The following MTCL2 variants were observed in gnomAD, a reference collection of about 807,000 sequenced individuals.
The protein encoded by MTCL2 is microtubule crosslinking factor 2, also known as microtubule cross-linking factor 2.
the MTCL2 span, among the ~76,000 whole-genome samples, chr20:36,798,536 C>T: frequency 6.6e-6 from 1 of 152,228 alleles, no homozygotes; most frequent in African/African-American, 2.4e-5. Context: ...TACCATCTGA[C>T]ACTACAGCCT....
the MTCL2 span, among the ~76,000 whole-genome samples, chr20:36,830,396 C>T: frequency 1.3e-5 from 2 of 152,060 alleles, no homozygotes; most frequent in Admixed American, 6.6e-5. Context: ...CAAGACCCCA[C>T]CTCTACAAAA....
the MTCL2 span, chr20:36,815,146 C>T: frequency 6.2e-7 from 1 of 1,600,290 alleles, no homozygotes; most frequent in Non-Finnish European, 8.5e-7. This position sits in a 1 kb window ranked among gnomAD's most constrained non-coding sequence, Gnocchi z 5.3. Flanking sequence ...GAGCCAAGGT[C>T]TTTTGCCAGA....
the MTCL2 span, among the ~76,000 whole-genome samples, chr20:36,826,520 G>A: frequency 6.6e-6 from 1 of 150,578 alleles, no homozygotes; most frequent in Non-Finnish European, 1.5e-5. Flanking sequence ...TGGGACTACA[G>A]GCATGCACAA....
the MTCL2 span, among the ~76,000 whole-genome samples, chr20:36,856,241 G>A: frequency 3.9e-5 from 6 of 152,156 alleles, no homozygotes; most frequent in Non-Finnish European, 5.9e-5. Context: ...GCTGGGCACA[G>A]AGACAGCCAC....
At chr20:36,859,128 T>A in the MTCL2 span, among the ~76,000 whole-genome samples, 1 of 152,100 alleles carries the variant, frequency 6.6e-6, no homozygotes, top group Non-Finnish European at 1.5e-5. Flanking sequence ...AAAAAGCAGC[T>A]CAGAGAAGCC....
chr20:36,804,772 T>C, the MTCL2 span: 1 of 1,613,930 alleles, frequency 6.2e-7, no homozygotes, highest in Non-Finnish European at 8.5e-7. Context: ...CCGCTCTGTC[T>C]CCCAGGTAGC....
chr20:36,804,578 G>A, the MTCL2 span, among the ~76,000 whole-genome samples: 1 of 152,176 alleles, frequency 6.6e-6, no homozygotes, highest in Non-Finnish European at 1.5e-5. Context: ...CTTGCTGTGT[G>A]ACTTTAGGCA....
At chr20:36,793,748 T>A in the MTCL2 span, 1 of 1,542,062 alleles carries the variant, frequency 6.5e-7, no homozygotes, top group Non-Finnish European at 8.7e-7. The surrounding 1 kb of genome is among the most constrained non-coding windows in gnomAD (Gnocchi z 6.8). Flanking sequence ...AGACCGCCTC[T>A]GGAGCTTTGG....
At chr20:36,859,055 T>C in the MTCL2 span, among the ~76,000 whole-genome samples, 1 of 152,146 alleles carries the variant, frequency 6.6e-6, no homozygotes, top group African/African-American at 2.4e-5. Flanking sequence ...CCTCCCAAAG[T>C]GCTGGGATTA....
At chr20:36,826,580 G>A in the MTCL2 span, among the ~76,000 whole-genome samples, 1 of 151,550 alleles carries the variant, frequency 6.6e-6, no homozygotes, top group Non-Finnish European at 1.5e-5. Context: ...GTTTTGCCAT[G>A]TTGCTCAGGC....
chr20:36,805,496 C>T, the MTCL2 span, among the ~76,000 whole-genome samples: 1 of 152,178 alleles, frequency 6.6e-6, no homozygotes, highest in African/African-American at 2.4e-5. Context: ...ATGTACCTCC[C>T]AAGCCATACT....
At chr20:36,842,474 A>G in the MTCL2 span, among the ~76,000 whole-genome samples, 1 of 152,308 alleles carries the variant, frequency 6.6e-6, no homozygotes, top group Middle Eastern at 3.4e-3. Flanking sequence ...AAGATTGTAT[A>G]CTAAGAAGGG....
At chr20:36,841,874 G>GGGGTGTGTGTGTGTGTGTGTGT in the MTCL2 span, among the ~76,000 whole-genome samples, 14 of 110,766 alleles carry the variant, frequency 1.3e-4, no homozygotes, top group African/African-American at 4.2e-4. Context: ...TGGGGGGTGG[G>GGGGTGTGTGTGTGTGTGTGTGT]GTGTGTGTGT....
the MTCL2 span, chr20:36,779,550 G>A: frequency 6.6e-6 from 1 of 152,522 alleles, no homozygotes; most frequent in Admixed American, 6.5e-5. Flanking sequence ...GGGGTTGCTG[G>A]GGCAGGGTGA....
the MTCL2 span, among the ~76,000 whole-genome samples, chr20:36,787,254 A>G: frequency 6.6e-6 from 1 of 151,626 alleles, no homozygotes; most frequent in Non-Finnish European, 1.5e-5. Flanking sequence ...TTTAGACAGA[A>G]TCTTGCTCTG....
At chr20:36,852,852 T>G in the MTCL2 span, among the ~76,000 whole-genome samples, 1 of 151,300 alleles carries the variant, frequency 6.6e-6, no homozygotes, top group South Asian at 2.1e-4. Flanking sequence ...AGGTCAGGAG[T>G]TCGAGACCAG....
the MTCL2 span, chr20:36,783,819 A>C: frequency 1.0e-6 from 1 of 985,084 alleles, no homozygotes; most frequent in South Asian, 4.7e-5. Flanking sequence ...CAATCCCCCC[A>C]CCCCAAAAAA....
chr20:36,787,953 C>A, the MTCL2 span, among the ~76,000 whole-genome samples: 1 of 146,438 alleles, frequency 6.8e-6, no homozygotes, highest in Admixed American at 6.9e-5. Context: ...GTAATGCCAG[C>A]ACTTTGGGAG....
At chr20:36,804,975 C>T in the MTCL2 span, 1 of 1,539,326 alleles carries the variant, frequency 6.5e-7, no homozygotes, top group Admixed American at 1.8e-5. Flanking sequence ...TCAGAGAACT[C>T]ACCTAGGAGT....
Sources: gnomAD v4.1 joint callset for allele counts (sites outside exome capture counted in the v4.1 genomes callset) on GRCh38, gnomAD v4.1.1 for gene constraint, Gnocchi (gnomAD v3.1) non-coding constraint, MANE v1.5 for transcripts, NCBI Gene and HGNC (gene_info 2026-07-23, HGNC 2026-07-21) for gene names.